PHF2: variants seen among roughly 807,000 people sequenced by gnomAD.
The protein encoded by PHF2 is PHD finger protein 2.
In PHF2, 27 loss-of-function variants were observed where a neutral mutation model predicts 120.5. The ratio of observed to expected loss-of-function variants is 0.22; its 90% confidence interval spans 0.17 to 0.31. The LOEUF (loss-of-function observed/expected upper bound fraction) is 0.31. PHF2 is among the 10% of genes least tolerant of loss of function. PHF2 has a pLI of 1.00. For missense variants in PHF2, 1,024 were observed against 1,434.8 expected (o/e 0.71, Z 4.63); for synonymous variants, 568 against 592.5 (o/e 0.96, Z 0.60).
At chr9:93,648,616 A>G (rs1330130444) in intron 4 of PHF2, among the ~76,000 whole-genome samples, 2 of 152,214 alleles carry the variant, frequency 1.3e-5, no homozygotes, top group African/African-American at 4.8e-5. Flanking sequence ...TTTGTCAACT[A>G]CAGAAAAGGC....
intron 17 of PHF2, among the ~76,000 whole-genome samples, chr9:93,669,277 G>A (rs1021166033): frequency 1.3e-5 from 2 of 152,242 alleles, no homozygotes; most frequent in Non-Finnish European, 2.9e-5. Flanking sequence ...TCGGGGCAGG[G>A]CCTGCCAGAG....
chr9:93,616,986 CA>C (rs1354400171), intron 1 of PHF2, among the ~76,000 whole-genome samples: 1 of 152,036 alleles, frequency 6.6e-6, no homozygotes, highest in Non-Finnish European at 1.5e-5. Flanking sequence ...AAATTAGGTT[CA>C]AAAATTATGG....
At position 93,678,726 on chromosome 9, in the gene PHF2, T is replaced by C. The variant is rs1453964737; in HGVS notation, c.*1050T>C. On this transcript the variant is annotated 3_prime_UTR_variant, in exon 22 of 22. Coordinates refer to ENST00000359246, the MANE Select transcript of PHF2 (RefSeq NM_005392.4). ...TCATAGAATGTAGCGTGTAAATAGC[T>C]TTTTAAATAACTTCTTTTTTATAAG... 2 of 152,804 alleles carry C rather than the reference T, an allele frequency of 1.3e-5. No individual in the cohort carries two copies. The highest frequency in any genetic ancestry group is 4.8e-5 in the African/African-American group (2 of 41,460). 9.5% of individuals were successfully genotyped at this position (152,804 alleles called of 1,614,324 possible).
At chr9:93,647,577 G>A (rs1177106326) in intron 4 of PHF2, among the ~76,000 whole-genome samples, 1 of 152,018 alleles carries the variant, frequency 6.6e-6, no homozygotes, top group Non-Finnish European at 1.5e-5. Flanking sequence ...CCACTTTTTT[G>A]TTCTCTTTGT....
chr9:93,643,288 AG>A (rs1382245120), intron 3 of PHF2, among the ~76,000 whole-genome samples: 2 of 152,068 alleles, frequency 1.3e-5, no homozygotes, highest in African/African-American at 4.8e-5. Context: ...GTTTAGTGCA[AG>A]TTTGGAACTC....
At chr9:93,617,064 C>G in intron 1 of PHF2, among the ~76,000 whole-genome samples, 1 of 152,172 alleles carries the variant, frequency 6.6e-6, no homozygotes, top group African/African-American at 2.4e-5. Flanking sequence ...TTGTGCTGTT[C>G]GGGAGATCAT....
rs1274535980 is a variant in PHF2, at chr9:93,653,449, A to G, written c.789+84A>G. 2.1e-6 allele frequency: 3 copies of G among 1,420,382 alleles called. No homozygotes were observed. The Admixed American group carries it at 5.3e-5, about 25-fold the overall frequency. The allele number at this position is 1,420,382 out of a possible 1,614,324, so 88.0% of individuals were successfully genotyped here. On this transcript the variant is annotated intron_variant, in intron 6 of 21. Coordinates refer to ENST00000359246, the MANE Select transcript of PHF2 (RefSeq NM_005392.4). ...TTGTCTGCAGTCCCCACAAGCCCTGATTGGCCAGGATGCGACTCCCCAGAG... is the reference window on the plus strand; with the variant it reads ...TTGTCTGCAGTCCCCACAAGCCCTGGTTGGCCAGGATGCGACTCCCCAGAG...
intron 1 of PHF2, among the ~76,000 whole-genome samples, chr9:93,600,168 GT>G (rs1825413542): frequency 1.3e-5 from 2 of 152,066 alleles, no homozygotes; most frequent in Admixed American, 6.5e-5. Flanking sequence ...TGTGCAGTTT[GT>G]GTGCTGTGTG....
At position 93,672,328 on chromosome 9, in the gene PHF2, A is replaced by T. The variant is rs552602103; in HGVS notation, c.2349-1257A>T. The stretch of plus-strand genomic sequence containing the variant: ...TGGGTGTGGATGTAGGTACAGGTGT[A>T]GATGCAGATGTGGGTGTGGGAGTAG... On this transcript the variant is annotated intron_variant, in intron 17 of 21. Coordinates refer to ENST00000359246, the MANE Select transcript of PHF2 (RefSeq NM_005392.4). 30 of 878,508 alleles carry T rather than the reference A, an allele frequency of 3.4e-5. 1 individual carries two copies. In the East Asian group the frequency reaches 3.8e-3, roughly 111 times the overall value. The allele number at this position is 878,508 out of a possible 1,614,324, so 54.4% of individuals were successfully genotyped here. A position where few individuals can be genotyped will look rare whatever the true frequency, so the allele number is the denominator to read the frequency against.
intron 1 of PHF2, among the ~76,000 whole-genome samples, chr9:93,608,351 A>C (rs1363670832): frequency 1.3e-5 from 2 of 149,114 alleles, no homozygotes; most frequent in African/African-American, 4.9e-5. Context: ...ATTTTTGTAC[A>C]TCGTTGGTTT....
Position 93,584,740 on chromosome 9 carries a change from A to G in PHF2, c.98+7869A>G, listed in dbSNP as rs948615528. Among the ~76,000 whole-genome samples the G allele has an allele frequency of 2.6e-5, 4 of 152,182 alleles. No homozygotes were observed. The East Asian group carries it at 7.7e-4, about 29-fold the overall frequency. The stretch of plus-strand genomic sequence containing the variant: ...CTATTTTGGGCTCCTTGCGTTCCAT[A>G]TGAATTTGAGGATTGGCTTTTCCAT... On this transcript the variant is annotated intron_variant, in intron 1 of 21. Coordinates refer to ENST00000359246, the MANE Select transcript of PHF2 (RefSeq NM_005392.4).
chr9:93,591,392 C>A (rs1459361559), intron 1 of PHF2, among the ~76,000 whole-genome samples: 1 of 152,212 alleles, frequency 6.6e-6, no homozygotes, highest in African/African-American at 2.4e-5. Context: ...TTGGGCTAGG[C>A]ACCCATTCAG....
intron 3 of PHF2, among the ~76,000 whole-genome samples, chr9:93,637,975 A>G (rs1054021796): frequency 6.6e-6 from 1 of 152,162 alleles, no homozygotes; most frequent in Non-Finnish European, 1.5e-5. Context: ...GATTCTAGCC[A>G]TGCGAGTGGG....
chr9:93,585,573 T>A (rs926891122), intron 1 of PHF2, among the ~76,000 whole-genome samples: 8 of 152,220 alleles, frequency 5.3e-5, no homozygotes, highest in African/African-American at 1.9e-4. Flanking sequence ...ATGCCATGGG[T>A]AGGGCGCAAG....
At chr9:93,649,601 T>G (rs1826326222) in intron 5 of PHF2, among the ~76,000 whole-genome samples, 1 of 151,884 alleles carries the variant, frequency 6.6e-6, no homozygotes, top group East Asian at 1.9e-4. Flanking sequence ...CAGACACATC[T>G]ATGACACACC....
At chr9:93,617,459 G>C (rs1418807978) in intron 1 of PHF2, among the ~76,000 whole-genome samples, 4 of 152,126 alleles carry the variant, frequency 2.6e-5, no homozygotes, top group Non-Finnish European at 4.4e-5. Flanking sequence ...CAGGTTTTGC[G>C]GGGAGCAGGC....
At chr9:93,601,990 G>A (rs1222610924) in intron 1 of PHF2, among the ~76,000 whole-genome samples, 1 of 151,908 alleles carries the variant, frequency 6.6e-6, no homozygotes, top group African/African-American at 2.4e-5. Context: ...ACCATCACAC[G>A]GCCATCTGTC....
chr9:93,660,691 G>T (rs1167677874), intron 12 of PHF2, 131 bp downstream of exon 12: 2 of 842,364 alleles, frequency 2.4e-6, no homozygotes, highest in East Asian at 2.9e-5. Flanking sequence ...AGATGTGGGG[G>T]TCTGGGCTCT....
chr9:93,621,130 C>T (rs561323869), intron 1 of PHF2, among the ~76,000 whole-genome samples: 1 of 152,330 alleles, frequency 6.6e-6, no homozygotes. Context: ...AGGGTCGGTG[C>T]TAGCAGGGGA....
Sources: allele counts gnomAD v4.1 joint callset (sites outside exome capture counted in the v4.1 genomes callset), GRCh38; gene constraint gnomAD v4.1.1; transcripts MANE v1.5; gene names NCBI Gene and HGNC (gene_info 2026-07-23, HGNC 2026-07-21).